Variants in SYNE1 observed in about 807,000 individuals in gnomAD.
SYNE1 encodes the protein nesprin-1.
Under a neutral mutation model 1,111.0 loss-of-function variants are expected in SYNE1, and 616 were observed. The ratio of observed to expected loss-of-function variants is 0.55; its 90% CI spans 0.52 to 0.59. SYNE1 has a LOEUF of 0.59. Among genes scored for constraint, SYNE1 ranks in the 20% least tolerant of loss-of-function variants. The pLI, the probability that SYNE1 is intolerant of heterozygous loss-of-function variation, is 0.00. For missense variants in SYNE1, 10,006 were observed against 10,417.0 expected (o/e 0.96, Z 1.72); for synonymous variants, 3,855 against 3,825.8 (o/e 1.01, Z -0.28).
intron 127 of SYNE1, among the ~76,000 whole-genome samples, chr6:152,199,390 AGC>A (rs2074932255): frequency 4.6e-5 from 7 of 152,224 alleles, no homozygotes; most frequent in African/African-American, 1.7e-4. Flanking sequence ...ATAATGTAAT[AGC>A]TGAGAAGATC....
intron 62 of SYNE1, 30 bp downstream of exon 62, chr6:152,367,188 T>C (rs2097097263): frequency 6.2e-7 from 1 of 1,613,782 alleles, no homozygotes; most frequent in African/African-American, 1.3e-5. Context: ...ATTCTGTAGG[T>C]TGGAGATATT....
rs2096652845 is a variant in SYNE1 at position 152,347,219 on chromosome 6, A to G, written c.11918T>C (p.Ile3973Thr). The G allele has an allele frequency of 5.6e-6, 9 of 1,614,132 alleles. No homozygotes were observed. The highest frequency in any genetic ancestry group is 7.6e-6 in the Non-Finnish European group (9 of 1,180,026). ...GTTCAAACGGTCTTCAAAACCAGCA[A>G]TTTCTTCCATCATTGCCTGCAAAAG... ...LAHHKAMMEE[I>T]AGFEDRLNNL... Residue 3973 changes from isoleucine (I) to threonine (T), a missense_variant, in exon 73 of 146, where the codon ATT (isoleucine) becomes ACT (threonine). Transcript: ENST00000367255.
intron 3 of SYNE1, among the ~76,000 whole-genome samples, chr6:152,596,270 G>GTTT (rs35952199): frequency 1.1e-5 from 1 of 89,178 alleles, no homozygotes; most frequent in African/African-American, 4.0e-5. Flanking sequence ...TTGTTTGTTT[G>GTTT]TTTTTTTTTT....
chr6:152,308,578 G>A lies in SYNE1; in HGVS notation c.17257C>T (p.Leu5753=). ...ATCTCTCTGTGAGCTCCTTCTATCA[G>A]TTGCTGGAGATGTTTCATTTCTTGC... is the stretch of plus-strand genomic sequence containing the variant. ...YEQEMKHLQQ[L]IEGAHREIED... is the part of the protein sequence containing the mutation. Residue 5753 remains leucine (L), a synonymous_variant, in exon 91 of 146, where the codon CTG becomes TTG. Coordinates refer to ENST00000367255, the MANE Select transcript of SYNE1 (RefSeq NM_182961.4). 1.2e-6 allele frequency: 2 copies of A among 1,612,818 alleles called. No individual in the cohort carries two copies.
chr6:152,269,307 A>G (rs1209807846), intron 98 of SYNE1, 21 bp from the exon 99 acceptor site: 3 of 1,613,890 alleles, frequency 1.9e-6, no homozygotes, highest in Non-Finnish European at 2.5e-6. Context: ...CGAGGCAGAA[A>G]TCAAGTCATG....
chr6:152,439,353 T>C (rs1308811992), intron 32 of SYNE1, among the ~76,000 whole-genome samples: 1 of 152,166 alleles, frequency 6.6e-6, no homozygotes, highest in Non-Finnish European at 1.5e-5. Flanking sequence ...CATCTTTGTA[T>C]TTATAAAAGG....
chr6:152,140,344 C>A (rs1258888604), intron 139 of SYNE1, among the ~76,000 whole-genome samples, 183 bp from the exon 140 acceptor site: 1 of 152,124 alleles, frequency 6.6e-6, no homozygotes, highest in Non-Finnish European at 1.5e-5. Flanking sequence ...TGTGTTTTTT[C>A]TATTTGTATT....
In SYNE1 at chr6:152,483,023, G is replaced by A. The variant is rs1033722457; in HGVS notation, c.1350+62C>T. On this transcript the variant is annotated intron_variant, in intron 14 of 145. Coordinates refer to ENST00000367255, the MANE Select transcript of SYNE1 (RefSeq NM_182961.4). ...CCCCGCCAGAGCAGGTTGTAACTAG[G>A]CTACCTCTCCAGACCACAGTAGGGC... 5 of 1,596,012 alleles carry A rather than the reference G, an allele frequency of 3.1e-6. No individual in the cohort carries two copies. In the Admixed American group the frequency reaches 8.3e-5, roughly 27 times the overall value.
chr6:152,137,739 T>G (rs969147318), intron 140 of SYNE1, among the ~76,000 whole-genome samples: 2 of 152,214 alleles, frequency 1.3e-5, no homozygotes, highest in Non-Finnish European at 2.9e-5. Flanking sequence ...CAATCTGTCT[T>G]GATTTTGCAC....
chr6:152,416,529 G>A lies in SYNE1; in HGVS notation c.5908C>T (p.Gln1970Ter). The A allele has an allele frequency of 6.2e-7, 1 of 1,613,968 alleles. No individual in the cohort carries two copies. Among genetic ancestry groups the A allele is most frequent in the Non-Finnish European group, 8.5e-7 (1 of 1,179,996 alleles). The change falls in exon 41 of 146, where the codon CAG becomes TAG. Residue 1970 changes from glutamine (Q) to a stop codon, truncating the protein, a stop_gained. Coordinates refer to ENST00000367255, the MANE Select transcript of SYNE1 (RefSeq NM_182961.4). LOFTEE classifies it high-confidence loss of function. ...ERIQNLLGTK[Q>*]SEADALAVLK... ...ACTGCCAGAGCATCTGCCTCACTCT[G>A]CTTGGTTCCCAGAAGGTTCTGGATC... is the stretch of plus-strand genomic sequence containing the variant.
chr6:152,453,787 G>T, intron 24 of SYNE1, 67 bp from the exon 25 acceptor site: 10 of 1,598,410 alleles, frequency 6.3e-6, no homozygotes, highest in Non-Finnish European at 8.6e-6. Flanking sequence ...GGCACAATCA[G>T]CCTCTAAGCC....
chr6:152,418,214 C>T lies in SYNE1; in HGVS notation c.5422-1199G>A, dbSNP rs147111109. ...TCTGCCCCTTTGAGATGTAACTCTT[C>T]TTAAAGCTCTGGCCAGTTTTTTCTA... On this transcript the variant is annotated intron_variant, in intron 40 of 145. Coordinates refer to ENST00000367255, the MANE Select transcript of SYNE1 (RefSeq NM_182961.4). Among the ~76,000 whole-genome samples, 463 of 152,248 alleles carry T rather than the reference C, an allele frequency of 3.0e-3. 4 individuals carry two copies. Among genetic ancestry groups the T allele is most frequent in the African/African-American group, 0.011 (441 of 41,554 alleles).
At chr6:152,143,074 C>T (rs2058805791) in intron 138 of SYNE1, among the ~76,000 whole-genome samples, 1 of 152,162 alleles carries the variant, frequency 6.6e-6, no homozygotes. Flanking sequence ...CATACATAGC[C>T]AATAGCCGCA....
chr6:152,396,306 A>C (rs1163298623), intron 50 of SYNE1, among the ~76,000 whole-genome samples: 2 of 152,212 alleles, frequency 1.3e-5, no homozygotes, highest in Non-Finnish European at 2.9e-5. Context: ...ATTTGATTCT[A>C]CTGACATCTT....
At chr6:152,530,471 T>G (rs1467683240) in intron 4 of SYNE1, among the ~76,000 whole-genome samples, 7 of 95,898 alleles carry the variant, frequency 7.3e-5, no homozygotes, top group Admixed American at 6.4e-4. Context: ...TTGTATGGTT[T>G]TTTTTTTTTT....
rs140452603 is a variant in SYNE1, at chr6:152,301,921, T to A, written c.17489A>T (p.Asp5830Val). The change falls in exon 92 of 146, where the codon GAC becomes GTC. Residue 5830 changes from aspartate to valine, a missense_variant. By Grantham distance (152) the Asp-to-Val change is radical. This residue lies in a region of SYNE1 where 4,955 missense variants were observed against 5,017.2 expected (regional missense o/e 0.99). Transcript: ENST00000367255. Reference protein sequence around the residue: ...EVEGLAEGTEDLDGELLPTPS... With the variant: ...EVEGLAEGTEVLDGELLPTPS... ...CGTGGGGAGGAGCTCCCCATCCAGG[T>A]CCTCTGTCCCTTCCGCCAGCCCCTC... 1 of 1,614,074 alleles carries A rather than the reference T, an allele frequency of 6.2e-7. No individual in the cohort carries two copies. The highest frequency in any genetic ancestry group is 8.5e-7 in the Non-Finnish European group (1 of 1,180,008).
intron 10 of SYNE1, among the ~76,000 whole-genome samples, chr6:152,502,158 C>T (rs928982241): frequency 6.6e-6 from 1 of 152,020 alleles, no homozygotes; most frequent in Non-Finnish European, 1.5e-5. Flanking sequence ...TATTTAAAGG[C>T]TGAAAAATCT....
In SYNE1 at chr6:152,248,462, C is replaced by CTT. The variant is rs35014681; in HGVS notation, c.19572+697_19572+698dup. Among the ~76,000 whole-genome samples the CTT allele has an allele frequency of 3.0e-3, 445 of 148,802 alleles. 2 individuals are homozygous for CTT. Among genetic ancestry groups the CTT allele is most frequent in the South Asian group, 3.6e-3 (17 of 4,704 alleles). On this transcript the variant is annotated intron_variant, in intron 105 of 145. Coordinates refer to ENST00000367255, the MANE Select transcript of SYNE1 (RefSeq NM_182961.4). ...TACACTTATGCTGCATATTTATTTC[C>CTT]TTTTTTTTTTAGCTAATGAGGCATG...
chr6:152,364,875 G>C lies in SYNE1; in HGVS notation c.10117C>G (p.Leu3373Val), dbSNP rs1022927290. Residue 3373 changes from leucine to valine, a missense_variant, in exon 63 of 146, where the codon CTT becomes GTT. Leu to Val is a conservative substitution (Grantham distance 32). Coordinates refer to ENST00000367255, the MANE Select transcript of SYNE1 (RefSeq NM_182961.4). ...LQSVKDMWAS[L>V]LSAGIRCKSQ... ...TTACAACGAATCCCTGCAGACAAAA[G>C]GGATGCCCACATATCCTTCACACTC... 5.0e-6 allele frequency: 8 copies of C among 1,614,020 alleles called. No homozygotes were observed. The highest frequency in any genetic ancestry group is 2.7e-5 in the African/African-American group (2 of 74,896).
Sources: allele counts gnomAD v4.1 joint callset (sites outside exome capture counted in the v4.1 genomes callset), GRCh38; gene constraint gnomAD v4.1.1; regional missense constraint gnomAD v4.1.1; transcripts MANE v1.5; gene names NCBI Gene and HGNC (gene_info 2026-07-23, HGNC 2026-07-21).